The following KIAA1217 variants were observed in gnomAD, a reference collection of about 807,000 sequenced individuals.
The protein encoded by KIAA1217 is KIAA1217.
KIAA1217 carries 88 observed loss-of-function variants against 163.9 expected under a neutral mutation model. That is an observed-to-expected ratio of 0.54 (90% CI 0.45 to 0.64). KIAA1217 has a LOEUF of 0.64. Ranked by LOEUF, KIAA1217 falls within the 30% of genes least tolerant of loss-of-function variation. The probability of loss-of-function intolerance (pLI) is 0.00; values close to 1 mark genes in which losing one functional copy is unlikely to be tolerated. For synonymous variants in KIAA1217, 903 were observed against 923.1 expected (o/e 0.98, Z 0.39); for missense variants, 2,372 against 2,475.0 (o/e 0.96, Z 0.88).
intron 2 of KIAA1217, among the ~76,000 whole-genome samples, chr10:24,292,119 G>T: frequency 6.6e-6 from 1 of 152,306 alleles, no homozygotes; most frequent in South Asian, 2.1e-4. Flanking sequence ...GAGAATTAAA[G>T]GAGATATGAT....
chr10:24,352,910 T>A (rs2048632510), intron 2 of KIAA1217, among the ~76,000 whole-genome samples: 1 of 151,782 alleles, frequency 6.6e-6, no homozygotes, highest in African/African-American at 2.4e-5. Flanking sequence ...GGCTTGCAGG[T>A]AGATGGAGGG....
chr10:24,307,945 G>A (rs12251731), intron 2 of KIAA1217, among the ~76,000 whole-genome samples: 2,595 of 152,302 alleles, frequency 0.017, 72 homozygotes, highest in African/African-American at 0.059. Context: ...TTGGGTCACT[G>A]CCCGAGTCAT....
intron 2 of KIAA1217, among the ~76,000 whole-genome samples, chr10:24,253,536 G>T (rs889085292): frequency 6.6e-6 from 1 of 152,146 alleles, no homozygotes; most frequent in Non-Finnish European, 1.5e-5. Context: ...TTGTTTACCA[G>T]TTCTCAACAT....
rs1286478652 is a variant in KIAA1217, at chr10:24,189,105, C to CAA, written c.-170-30508_-170-30507dup. Among the ~76,000 whole-genome samples, 487 of 65,036 alleles carry CAA rather than the reference C, an allele frequency of 7.5e-3. 2 individuals carry two copies. The highest frequency in any genetic ancestry group is 0.012 in the Non-Finnish European group (354 of 29,390). 42.7% of individuals were successfully genotyped at this position (65,036 alleles called of 152,430 possible). A position where few individuals can be genotyped will look rare whatever the true frequency, so the allele number is the denominator to read the frequency against. ...TGGGTGACAGAGCGAGACTCTGTCTCAAAAAAAAAAAAAAGAAAAGAAAAA... is the reference window on the plus strand; with the variant it reads ...TGGGTGACAGAGCGAGACTCTGTCTCAAAAAAAAAAAAAAAAGAAAAGAAAAA... On this transcript the variant is annotated intron_variant, in intron 2 of 18. Transcript: ENST00000376462.
intron 6 of KIAA1217, chr10:24,482,863 C>T (rs1414026091): frequency 6.6e-6 from 1 of 151,892 alleles, no homozygotes; most frequent in African/African-American, 2.4e-5. Flanking sequence ...CTACAAAAGA[C>T]TTTTTGAAAA....
At chr10:23,805,080 G>A (rs1040931195) in intron 1 of KIAA1217, among the ~76,000 whole-genome samples, 2 of 152,086 alleles carry the variant, frequency 1.3e-5, no homozygotes, top group African/African-American at 4.8e-5. Flanking sequence ...CAAGTATTGT[G>A]GAAGACAGTG....
chr10:24,529,800 T>C (rs2072838206), intron 14 of KIAA1217, among the ~76,000 whole-genome samples: 1 of 143,260 alleles, frequency 7.0e-6, no homozygotes, highest in South Asian at 2.2e-4. Flanking sequence ...CTCATCACAT[T>C]TTTTTTTTTT....
intron 2 of KIAA1217, among the ~76,000 whole-genome samples, chr10:24,062,943 G>T (rs1459107653): frequency 6.6e-6 from 1 of 151,852 alleles, no homozygotes; most frequent in South Asian, 2.1e-4. Context: ...ATCTTCTTTT[G>T]AGAAGTGTCT....
chr10:24,323,832 T>TGTGTGTGTGTGTG (rs2044498544), intron 2 of KIAA1217, among the ~76,000 whole-genome samples: 8 of 141,980 alleles, frequency 5.6e-5, no homozygotes, highest in African/African-American at 1.8e-4. Flanking sequence ...TGTGTGTGTG[T>TGTGTGTGTGTGTG]TTGACTAACT....
At chr10:24,433,558 G>A (rs750701998) in intron 4 of KIAA1217, among the ~76,000 whole-genome samples, 1 of 152,082 alleles carries the variant, frequency 6.6e-6, no homozygotes, top group Non-Finnish European at 1.5e-5. Flanking sequence ...CATCTGAAAA[G>A]AACATTAGAA....
At chr10:23,759,642 CT>C (rs1413590321) in intron 1 of KIAA1217, among the ~76,000 whole-genome samples, 1 of 152,124 alleles carries the variant, frequency 6.6e-6, no homozygotes, top group Non-Finnish European at 1.5e-5. Flanking sequence ...TAGCTTTATT[CT>C]GTAGAAGGCA....
chr10:23,845,425 C>T (rs1838977770), intron 1 of KIAA1217, among the ~76,000 whole-genome samples: 1 of 152,162 alleles, frequency 6.6e-6, no homozygotes, highest in Non-Finnish European at 1.5e-5. Context: ...TAATGATCTC[C>T]ATTCTAACTG....
chr10:24,450,831 C>A (rs1211667606), intron 5 of KIAA1217, among the ~76,000 whole-genome samples: 1 of 152,174 alleles, frequency 6.6e-6, no homozygotes, highest in Non-Finnish European at 1.5e-5. Flanking sequence ...GGCTGACTGT[C>A]TTCCTTGTTT....
At chr10:23,851,713 C>A (rs1217159543) in intron 1 of KIAA1217, among the ~76,000 whole-genome samples, 1 of 151,952 alleles carries the variant, frequency 6.6e-6, no homozygotes, top group Admixed American at 6.6e-5. Flanking sequence ...TTCTAACTGG[C>A]GTGAGATGGT....
At chr10:23,827,448 T>A (rs542470697) in intron 1 of KIAA1217, among the ~76,000 whole-genome samples, 1 of 152,222 alleles carries the variant, frequency 6.6e-6, no homozygotes, top group African/African-American at 2.4e-5. Context: ...ACATGTGTAA[T>A]TAGTATATAC....
intron 1 of KIAA1217, among the ~76,000 whole-genome samples, chr10:23,870,126 A>C (rs1216767283): frequency 1.3e-5 from 2 of 152,128 alleles, no homozygotes; most frequent in Non-Finnish European, 2.9e-5. Flanking sequence ...ACCCGTTAAA[A>C]AGTAGGTAAA....
intron 1 of KIAA1217, among the ~76,000 whole-genome samples, chr10:23,720,566 G>A (rs1023911162): frequency 5.9e-5 from 9 of 152,238 alleles, no homozygotes; most frequent in South Asian, 2.1e-4. Flanking sequence ...GGGATATGAA[G>A]GGGACTGGGA....
In KIAA1217 at chr10:24,543,737, G is replaced by A. The variant is rs2135490673; in HGVS notation, c.4467G>A (p.Gly1489=). The A allele has an allele frequency of 6.2e-7, 1 of 1,613,620 alleles. No individual in the cohort carries two copies. Among genetic ancestry groups the A allele is most frequent in the Non-Finnish European group, 8.5e-7 (1 of 1,179,728 alleles). The part of the protein sequence containing the change: ...KIEEEEEEEN[G]DSVVQNNNTS... ...AGGAGGAGGAAGAGGAGGAAAATGGGGATTCTGTAGTCCAGAATAATAACA... is the reference window on the plus strand; with the variant it reads ...AGGAGGAGGAAGAGGAGGAAAATGGAGATTCTGTAGTCCAGAATAATAACA... Residue 1489 remains glycine (G), a synonymous_variant, in exon 19 of 21, where the codon GGG becomes GGA. Transcript: ENST00000376454.
intron 1 of KIAA1217, among the ~76,000 whole-genome samples, chr10:23,822,176 A>T (rs113639674): frequency 6.6e-6 from 1 of 151,990 alleles, no homozygotes; most frequent in Non-Finnish European, 1.5e-5. Context: ...ACCCTAACTC[A>T]TCTCTTTAGT....
Sources: gnomAD v4.1 joint callset for allele counts (sites outside exome capture counted in the v4.1 genomes callset) on GRCh38, gnomAD v4.1.1 for gene constraint, MANE v1.5 for transcripts, NCBI Gene and HGNC (gene_info 2026-07-23, HGNC 2026-07-21) for gene names.